PIGZ: variants seen among roughly 807,000 people sequenced by gnomAD.
PIGZ encodes the protein GPI alpha-1,2-mannosyltransferase 4.
PIGZ carries 16 observed loss-of-function variants against 16.4 expected under a neutral mutation model. That is an observed-to-expected ratio of 0.97 (90% CI 0.66 to 1.48). The LOEUF (loss-of-function observed/expected upper bound fraction) is 1.48, where lower values mean the gene tolerates loss of function less well. Ranked by LOEUF, PIGZ falls within the 40% of genes most tolerant of loss-of-function variation. PIGZ has a pLI of 0.00. For synonymous variants in PIGZ, 409 were observed against 338.4 expected (o/e 1.21, Z -2.29); for missense variants, 770 against 739.2 (o/e 1.04, Z -0.48).
At position 196,960,751 on chromosome 3, in the gene PIGZ, G is replaced by GAAAGAAAGAAAGAAAC. The variant is rs1435353979; in HGVS notation, c.-1+7935_-1+7936insGTTTCTTTCTTTCTTT. ...AAAGAAAGAAAGAGAAAGAAAGAAA[G>GAAAGAAAGAAAGAAAC]AAAGAAAGAAAGAAAAGAAAACAAC... On this transcript the variant is annotated intron_variant, in intron 1 of 2. Coordinates refer to ENST00000412723, the MANE Select transcript of PIGZ (RefSeq NM_025163.4). Among the ~76,000 whole-genome samples, 7 of 150,874 alleles carry GAAAGAAAGAAAGAAAC rather than the reference G, an allele frequency of 4.6e-5. No individual in the cohort carries two copies. The East Asian group carries it at 1.4e-3, about 29-fold the overall frequency.
intron 1 of PIGZ, among the ~76,000 whole-genome samples, chr3:196,955,951 T>A (rs183277731): frequency 1.1e-4 from 17 of 152,110 alleles, no homozygotes; most frequent in African/African-American, 3.1e-4. Context: ...TTTTTCAATT[T>A]TTTTTGTCCT....
rs1717297739 is a variant in PIGZ at position 196,951,864 on chromosome 3, A to G, written c.168T>C (p.Tyr56=). The part of the protein sequence containing the change: ...VLWCLLPQTG[Y]VHPDEFFQSP... ...ACTGGAAGAACTCATCTGGGTGCAC[A>G]TAGCCCGTCTGCGGAAGGAGACACC... Residue 56 remains tyrosine (Y), a synonymous_variant, in exon 2 of 3, where the codon TAT becomes TAC. Coordinates refer to ENST00000412723, the MANE Select transcript of PIGZ (RefSeq NM_025163.4). The G allele has an allele frequency of 6.2e-7, 1 of 1,614,194 alleles. No individual in the cohort carries two copies. The highest frequency in any genetic ancestry group is 1.1e-5 in the South Asian group (1 of 91,084).
chr3:196,956,518 G>T (rs1028731203), intron 1 of PIGZ, among the ~76,000 whole-genome samples: 92 of 152,226 alleles, frequency 6.0e-4, no homozygotes, highest in Admixed American at 6.5e-4. Context: ...CTCCCACCAG[G>T]TCCCTCCCAC....
chr3:196,957,244 T>C (rs1717525454), intron 1 of PIGZ, among the ~76,000 whole-genome samples: 1 of 152,002 alleles, frequency 6.6e-6, no homozygotes, highest in Non-Finnish European at 1.5e-5. Context: ...CCTGGTCATG[T>C]AAATTCATGA....
chr3:196,964,364 T>C (rs1717845058), intron 1 of PIGZ, among the ~76,000 whole-genome samples: 1 of 151,748 alleles, frequency 6.6e-6, no homozygotes, highest in South Asian at 2.1e-4. Flanking sequence ...CTACCATTTT[T>C]TTTTAATTTT....
intron 2 of PIGZ, among the ~76,000 whole-genome samples, chr3:196,949,741 G>A (rs1281908572): frequency 6.6e-6 from 1 of 152,166 alleles, no homozygotes; most frequent in African/African-American, 2.4e-5. Context: ...CCCGGGAGAT[G>A]AGGTGGCAGT....
intron 1 of PIGZ, among the ~76,000 whole-genome samples, chr3:196,964,789 C>A (rs1374845783): frequency 2.0e-5 from 3 of 151,958 alleles, no homozygotes; most frequent in African/African-American, 7.2e-5. Context: ...CAGGCTGGAG[C>A]GCAGTGGCAT....
intron 1 of PIGZ, among the ~76,000 whole-genome samples, chr3:196,956,628 T>C (rs1396783531): frequency 1.3e-5 from 2 of 152,220 alleles, no homozygotes; most frequent in East Asian, 1.9e-4. Context: ...TCCATGTCTC[T>C]TTAAGTTCTA....
In PIGZ at chr3:196,949,024, CCCTTCCTTCCCTT is replaced by C. The variant is rs144690232; in HGVS notation, c.212-352_212-340del. ...TACTTCTCTTTCCCTCCCCTCCCTT[CCCTTCCTTCCCTT>C]CCTTCCTTCCCTTCCCTTCCTTCCC... On this transcript the variant is annotated intron_variant, in intron 2 of 2. Coordinates refer to ENST00000412723, the MANE Select transcript of PIGZ (RefSeq NM_025163.4). Among the ~76,000 whole-genome samples the C allele has an allele frequency of 3.2e-4, 26 of 80,300 alleles. 1 individual carries two copies. The highest frequency in any genetic ancestry group is 1.7e-3 in the African/African-American group (17 of 9,794). The allele number at this position is 80,300 out of a possible 152,430, so 52.7% of individuals were successfully genotyped here. A position where few individuals can be genotyped will look rare whatever the true frequency, so the allele number is the denominator to read the frequency against.
chr3:196,948,864 TTCCC>T lies in PIGZ; in HGVS notation c.212-183_212-180del, dbSNP rs1317056251. 5.6e-4 allele frequency among the ~76,000 whole-genome samples: 65 copies of T among 115,104 alleles called. 10 individuals are homozygous for T. The highest frequency in any genetic ancestry group is 1.2e-3 in the South Asian group (4 of 3,436). The allele number at this position is 115,104 out of a possible 152,430, so 75.5% of individuals were successfully genotyped here. A position where few individuals can be genotyped will look rare whatever the true frequency, so the allele number is the denominator to read the frequency against. On this transcript the variant is annotated intron_variant, in intron 2 of 2. Coordinates refer to ENST00000412723, the MANE Select transcript of PIGZ (RefSeq NM_025163.4). ...CTCTCTCCCTCCTTCTTTCCCTTCC[TTCCC>T]TTCCTTCCTTCCCTTCCTTCCCCTT...
At chr3:196,950,744 C>CTTTTTTTTTT (rs35150164) in intron 2 of PIGZ, among the ~76,000 whole-genome samples, 3 of 145,604 alleles carry the variant, frequency 2.1e-5, no homozygotes, top group Non-Finnish European at 3.0e-5. Flanking sequence ...CTTCATTAGA[C>CTTTTTTTTTT]TTTTTTTTTT....
intron 1 of PIGZ, among the ~76,000 whole-genome samples, chr3:196,962,341 C>A (rs1270006037): frequency 6.6e-6 from 1 of 152,148 alleles, no homozygotes; most frequent in Non-Finnish European, 1.5e-5. Flanking sequence ...CTGTGGAAAG[C>A]CATGGGGACC....
rs75268901 is a variant in PIGZ, at chr3:196,956,093, T to C, written c.1-4062A>G. Among the ~76,000 whole-genome samples, 235 of 152,246 alleles carry C rather than the reference T, an allele frequency of 1.5e-3. 4 individuals carry two copies. In the East Asian group the frequency reaches 0.042, roughly 27 times the overall value. ...TTTTAATATTTAGTATACTATGTTATGTGTCTTCACTATGATTATTCTGGG... is the reference window on the plus strand; with the variant it reads ...TTTTAATATTTAGTATACTATGTTACGTGTCTTCACTATGATTATTCTGGG... On this transcript the variant is annotated intron_variant, in intron 1 of 2. Coordinates refer to ENST00000412723, the MANE Select transcript of PIGZ (RefSeq NM_025163.4).
rs1716923247 is a variant in PIGZ at position 196,947,258 on chromosome 3, G to C, written c.1639C>G (p.His547Asp). Reference protein sequence around the residue: ...PFKNETLLFPHLTLEDPPALS... With the variant: ...PFKNETLLFPDLTLEDPPALS... ...GCTGGTGGATCCTCCAGGGTCAGAT[G>C]GGGAAATAAAAGTGTTTCATTCTTG... is the stretch of plus-strand genomic sequence containing the variant. The change falls in exon 3 of 3, where the codon CAT (histidine) becomes GAT (aspartate). Residue 547 changes from histidine to aspartate, a missense_variant. His to Asp is a moderately conservative substitution (Grantham distance 81, BLOSUM62 -1). Coordinates refer to ENST00000412723, the MANE Select transcript of PIGZ (RefSeq NM_025163.4). 1 of 1,613,754 alleles carries C rather than the reference G, an allele frequency of 6.2e-7. No individual in the cohort carries two copies. The highest frequency in any genetic ancestry group is 8.5e-7 in the Non-Finnish European group (1 of 1,179,816).
At chr3:196,949,081 T>C (rs910738336) in intron 2 of PIGZ, among the ~76,000 whole-genome samples, 3 of 121,492 alleles carry the variant, frequency 2.5e-5, no homozygotes, top group Admixed American at 1.8e-4. Context: ...GCTTCGTTCA[T>C]CTCTGTCACC....
chr3:196,963,545 CTT>C (rs1717804101), intron 1 of PIGZ, among the ~76,000 whole-genome samples: 2 of 152,318 alleles, frequency 1.3e-5, no homozygotes, highest in South Asian at 4.1e-4. Flanking sequence ...TCAAGGAAAT[CTT>C]TTCCAGAAGT....
chr3:196,968,547 C>G (rs891152171), intron 1 of PIGZ, 140 bp downstream of exon 1: 6 of 152,332 alleles, frequency 3.9e-5, no homozygotes, highest in African/African-American at 1.4e-4. Flanking sequence ...GGGGCGGCCC[C>G]CAGCTCCCCT....
chr3:196,962,054 A>G (rs946063632), intron 1 of PIGZ, among the ~76,000 whole-genome samples: 42 of 152,334 alleles, frequency 2.8e-4, no homozygotes, highest in African/African-American at 1.0e-3. Flanking sequence ...GGGGAAAAGA[A>G]AGAGAGATCA....
At chr3:196,955,028 C>T (rs927878890) in intron 1 of PIGZ, among the ~76,000 whole-genome samples, 7 of 151,984 alleles carry the variant, frequency 4.6e-5, no homozygotes, top group African/African-American at 9.7e-5. Flanking sequence ...TGGGATCAAG[C>T]GATCCTCTGA....
Sources: gnomAD v4.1 joint callset for allele counts (sites outside exome capture counted in the v4.1 genomes callset) on GRCh38, gnomAD v4.1.1 for gene constraint, MANE v1.5 for transcripts, NCBI Gene and HGNC (gene_info 2026-07-23, HGNC 2026-07-21) for gene names.